Variants in ANKS1B observed in about 807,000 individuals in gnomAD.
ANKS1B encodes the protein ankyrin repeat and sterile alpha motif domain-containing protein 1B.
ANKS1B carries 36 observed loss-of-function variants against 148.3 expected under a neutral mutation model. The observed-to-expected ratio is 0.24, with a 90% CI of 0.19 to 0.32. The LOEUF is 0.32. Among genes scored for constraint, ANKS1B ranks in the 10% least tolerant of loss-of-function variants. The pLI, the probability that ANKS1B is intolerant of heterozygous loss-of-function variation, is 1.00. For synonymous variants in ANKS1B, 542 were observed against 560.8 expected (o/e 0.97, Z 0.47); for missense variants, 1,157 against 1,542.6 (o/e 0.75, Z 4.19).
chr12:99,413,073 T>C (rs1041170390), intron 11 of ANKS1B, among the ~76,000 whole-genome samples: 1 of 152,292 alleles, frequency 6.6e-6, no homozygotes, highest in South Asian at 2.1e-4. Flanking sequence ...AAAAAATATA[T>C]GATCACCACA....
intron 12 of ANKS1B, among the ~76,000 whole-genome samples, chr12:99,290,367 C>A (rs1280767260): frequency 6.6e-6 from 1 of 151,038 alleles, no homozygotes; most frequent in Non-Finnish European, 1.5e-5. Flanking sequence ...AATACCAATC[C>A]TACTCAAACA....
At chr12:99,708,603 G>A (rs1036173568) in intron 8 of ANKS1B, among the ~76,000 whole-genome samples, 3 of 152,046 alleles carry the variant, frequency 2.0e-5, no homozygotes, top group Admixed American at 2.0e-4. Flanking sequence ...CTGGCTCATG[G>A]CCCCTTCCTC....
chr12:99,592,428 C>G (rs1396153361), intron 9 of ANKS1B, among the ~76,000 whole-genome samples: 1 of 151,214 alleles, frequency 6.6e-6, no homozygotes, highest in Non-Finnish European at 1.5e-5. Context: ...CACTATCCAC[C>G]CCACAACTCA....
At chr12:98,871,982 T>C (rs2099671541) in intron 17 of ANKS1B, among the ~76,000 whole-genome samples, 2 of 152,162 alleles carry the variant, frequency 1.3e-5, no homozygotes, top group Non-Finnish European at 2.9e-5. Context: ...ACACAGGAAA[T>C]CTAGGATGTT....
intron 9 of ANKS1B, among the ~76,000 whole-genome samples, chr12:99,555,992 A>ATT (rs1336974795): frequency 6.6e-6 from 1 of 152,008 alleles, no homozygotes; most frequent in East Asian, 1.9e-4. Flanking sequence ...TTTTTTGAAT[A>ATT]TTTTCTGTAG....
intron 17 of ANKS1B, among the ~76,000 whole-genome samples, chr12:98,944,305 A>C (rs930190644): frequency 1.0e-4 from 14 of 137,816 alleles, no homozygotes; most frequent in African/African-American, 4.0e-4. Flanking sequence ...CACCTCACAA[A>C]AAAAAAAAAA....
chr12:99,946,907 C>A (rs1416725205), intron 1 of ANKS1B, among the ~76,000 whole-genome samples: 1 of 152,124 alleles, frequency 6.6e-6, no homozygotes, highest in Non-Finnish European at 1.5e-5. Context: ...AACCACGACC[C>A]ACCAAGCCTG....
In ANKS1B at chr12:99,137,744, G is replaced by C. The variant is rs535138315; in HGVS notation, c.2526+16545C>G. 1.1e-3 allele frequency among the ~76,000 whole-genome samples: 166 copies of C among 152,144 alleles called. 2 individuals carry two copies. The highest frequency in any genetic ancestry group is 3.5e-3 in the African/African-American group (144 of 41,506). The stretch of plus-strand genomic sequence containing the variant: ...CTCAACTACTGAATAACCCCTGTGT[G>C]CCATGCTTTTTCTGTGCTTCCATAC... On this transcript the variant is annotated intron_variant, in intron 15 of 26. Coordinates refer to ENST00000683438, the MANE Select transcript of ANKS1B (RefSeq NM_001352186.2).
At chr12:99,154,417 A>G in intron 14 of ANKS1B, 22 bp from the exon 15 acceptor site, 1 of 1,613,784 alleles carries the variant, frequency 6.2e-7, no homozygotes. Flanking sequence ...TGAAGAGGGA[A>G]GCGTTTAAGC....
At chr12:98,950,546 G>A (rs768449039) in intron 17 of ANKS1B, among the ~76,000 whole-genome samples, 2 of 151,980 alleles carry the variant, frequency 1.3e-5, no homozygotes, top group African/African-American at 4.8e-5. Context: ...TCTGTCCTGC[G>A]AGTCCTAAGG....
At chr12:99,820,019 T>A (rs2082317511) in intron 2 of ANKS1B, among the ~76,000 whole-genome samples, 1 of 151,764 alleles carries the variant, frequency 6.6e-6, no homozygotes, top group Admixed American at 6.6e-5. Flanking sequence ...TGACAATGAA[T>A]CCTCCATATT....
In ANKS1B at chr12:99,118,420, C is replaced by G. The variant is rs572020252; in HGVS notation, c.2527-33397G>C. 8.5e-5 allele frequency among the ~76,000 whole-genome samples: 13 copies of G among 152,144 alleles called. 1 individual carries two copies. Among genetic ancestry groups the G allele is most frequent in the Non-Finnish European group, 1.9e-4 (13 of 68,016 alleles). On this transcript the variant is annotated intron_variant, in intron 15 of 26. Coordinates refer to ENST00000683438, the MANE Select transcript of ANKS1B (RefSeq NM_001352186.2). ...GAATTGGTTACACTGCATATGAGAA[C>G]ATTTTGATGCAGTATAATCTTTTAT...
At chr12:99,702,406 G>A (rs1408384450) in intron 8 of ANKS1B, among the ~76,000 whole-genome samples, 1 of 151,940 alleles carries the variant, frequency 6.6e-6, no homozygotes, top group African/African-American at 2.4e-5. Context: ...TTTTCCTGTT[G>A]AGTTGTTTGA....
At chr12:99,964,679 T>C (rs1421530124) in intron 1 of ANKS1B, among the ~76,000 whole-genome samples, 1 of 152,186 alleles carries the variant, frequency 6.6e-6, no homozygotes, top group Non-Finnish European at 1.5e-5. Context: ...GGGATGTCAG[T>C]ATCCAAACAG....
intron 17 of ANKS1B, among the ~76,000 whole-genome samples, chr12:99,041,641 A>G (rs1015983769): frequency 2.0e-5 from 3 of 151,904 alleles, no homozygotes; most frequent in Non-Finnish European, 4.4e-5. Flanking sequence ...ACATATTTTG[A>G]GTGGGGGCTT....
At chr12:98,795,034 A>T in intron 22 of ANKS1B, 1 of 716,702 alleles carries the variant, frequency 1.4e-6, no homozygotes, top group Non-Finnish European at 2.5e-6. Context: ...TGAAACTGCT[A>T]AATTATTAGC....
intron 17 of ANKS1B, among the ~76,000 whole-genome samples, chr12:98,998,773 T>C (rs1360010092): frequency 6.6e-6 from 1 of 152,256 alleles, no homozygotes; most frequent in African/African-American, 2.4e-5. Context: ...CTAGAATGAA[T>C]GTTAAATAAC....
chr12:99,056,410 C>T (rs1483637836), intron 16 of ANKS1B, among the ~76,000 whole-genome samples: 2 of 152,218 alleles, frequency 1.3e-5, no homozygotes, highest in African/African-American at 2.4e-5. Flanking sequence ...TCTGTCCCTA[C>T]TGCCATTACC....
chr12:98,811,510 C>T (rs2099095605), intron 19 of ANKS1B, among the ~76,000 whole-genome samples: 1 of 152,170 alleles, frequency 6.6e-6, no homozygotes, highest in African/African-American at 2.4e-5. Context: ...ATTATGGATA[C>T]CAAGGCCAGT....
Sources: gnomAD v4.1 joint callset for allele counts (sites outside exome capture counted in the v4.1 genomes callset) on GRCh38, gnomAD v4.1.1 for gene constraint, MANE v1.5 for transcripts, NCBI Gene and HGNC (gene_info 2026-07-23, HGNC 2026-07-21) for gene names.